CDK19: variants seen among roughly 807,000 people sequenced by gnomAD.
CDK19 encodes the protein cyclin-dependent kinase 19.
In CDK19, 20 loss-of-function variants were observed where a neutral mutation model predicts 68.3. The observed-to-expected ratio is 0.29, with a 90% CI of 0.21 to 0.43. CDK19 has a LOEUF of 0.43. CDK19 is among the 20% of genes least tolerant of loss of function. The probability of loss-of-function intolerance (pLI) is 1.00; values close to 1 mark genes in which losing one functional copy is unlikely to be tolerated. For missense variants in CDK19, 339 were observed against 623.5 expected (o/e 0.54, Z 4.86); for synonymous variants, 221 against 222.8 (o/e 0.99, Z 0.07).
intron 1 of CDK19, among the ~76,000 whole-genome samples, chr6:110,780,388 CAAAA>C (rs57316757): frequency 1.5e-5 from 1 of 67,122 alleles, no homozygotes; most frequent in East Asian, 3.1e-4. Flanking sequence ...CACTCTGTCT[CAAAA>C]AAAAAAAAAA....
At chr6:110,799,917 C>G (rs1279227100) in intron 1 of CDK19, among the ~76,000 whole-genome samples, 1 of 152,164 alleles carries the variant, frequency 6.6e-6, no homozygotes, top group Admixed American at 6.6e-5. Flanking sequence ...ATATTTTCAA[C>G]ACACAGTTGA....
chr6:110,718,967 A>G (rs567158784), intron 2 of CDK19, among the ~76,000 whole-genome samples: 4 of 152,208 alleles, frequency 2.6e-5, no homozygotes, highest in South Asian at 4.1e-4. Flanking sequence ...AAAGAGTTCT[A>G]AAGTCCTTGT....
intron 1 of CDK19, among the ~76,000 whole-genome samples, chr6:110,763,358 G>A (rs1032042908): frequency 6.6e-5 from 10 of 150,382 alleles, no homozygotes; most frequent in Admixed American, 6.6e-5. Context: ...AACTAAACAC[G>A]TTCCCCCTAA....
intron 4 of CDK19, chr6:110,646,250 C>A: frequency 6.7e-7 from 1 of 1,496,594 alleles, no homozygotes; most frequent in Non-Finnish European, 8.9e-7. Context: ...TGTGGCCGTT[C>A]CACACACATA....
chr6:110,793,358 T>C (rs1781725973), intron 1 of CDK19, among the ~76,000 whole-genome samples: 1 of 152,148 alleles, frequency 6.6e-6, no homozygotes, highest in African/African-American at 2.4e-5. Context: ...CTCTGTGGTG[T>C]TTTCCTATCA....
At chr6:110,677,608 G>A (rs1771642654) in intron 2 of CDK19, among the ~76,000 whole-genome samples, 1 of 150,396 alleles carries the variant, frequency 6.6e-6, no homozygotes, top group Non-Finnish European at 1.5e-5. Flanking sequence ...AAGAAGAAGT[G>A]TCACCATTGA....
In CDK19 at chr6:110,735,210, G is replaced by GTGCTGGGT. The variant is rs1287045319; in HGVS notation, c.204+10908_204+10915dup. Among the ~76,000 whole-genome samples the GTGCTGGGT allele has an allele frequency of 4.1e-4, 62 of 151,258 alleles. No homozygotes were observed. In the South Asian group the frequency reaches 9.3e-3, roughly 23 times the overall value. ...GATCCTCTTGCCTCAGCCTCCCAAA[G>GTGCTGGGT]TGCTGGGTTTACAGGCATCAGCCAC... On this transcript the variant is annotated intron_variant, in intron 2 of 12. Coordinates refer to ENST00000368911, the MANE Select transcript of CDK19 (RefSeq NM_015076.5).
At chr6:110,762,527 A>G (rs548400196) in intron 1 of CDK19, among the ~76,000 whole-genome samples, 13 of 152,314 alleles carry the variant, frequency 8.5e-5, no homozygotes, top group African/African-American at 3.1e-4. Flanking sequence ...CACACAGCGA[A>G]TAGGTTACTT....
chr6:110,680,192 G>C (rs753651791), intron 2 of CDK19, among the ~76,000 whole-genome samples: 7 of 152,192 alleles, frequency 4.6e-5, no homozygotes, highest in Non-Finnish European at 1.0e-4. Context: ...TACTCTACCA[G>C]AAGAATAAGA....
chr6:110,732,861 G>A (rs1042196941), intron 2 of CDK19, among the ~76,000 whole-genome samples: 2 of 152,060 alleles, frequency 1.3e-5, no homozygotes, highest in African/African-American at 4.8e-5. Context: ...GAGGTCAGGA[G>A]TTTGAGACCA....
intron 1 of CDK19, among the ~76,000 whole-genome samples, chr6:110,794,406 C>CTTT (rs58569860): frequency 3.0e-5 from 4 of 131,998 alleles, no homozygotes; most frequent in Non-Finnish European, 4.7e-5. Context: ...TAGTTTGAAA[C>CTTT]TTTTTTTTTT....
chr6:110,635,298 A>G (rs886654523), intron 5 of CDK19, among the ~76,000 whole-genome samples: 15 of 152,212 alleles, frequency 9.9e-5, no homozygotes, highest in African/African-American at 3.1e-4. Context: ...GGGAAGGTCT[A>G]TTTCTCTTTT....
At chr6:110,652,801 T>C (rs1201972614) in intron 4 of CDK19, among the ~76,000 whole-genome samples, 2 of 152,186 alleles carry the variant, frequency 1.3e-5, no homozygotes, top group East Asian at 1.9e-4. Context: ...CTGAAGTTAG[T>C]AGAGAATACC....
At chr6:110,664,390 A>G (rs1023159255) in intron 4 of CDK19, among the ~76,000 whole-genome samples, 3 of 152,154 alleles carry the variant, frequency 2.0e-5, no homozygotes, top group East Asian at 3.9e-4. Context: ...TGTAGCTACA[A>G]TCACATTCTC....
At chr6:110,803,413 C>T (rs189454616) in intron 1 of CDK19, among the ~76,000 whole-genome samples, 1 of 147,324 alleles carries the variant, frequency 6.8e-6, no homozygotes, top group Non-Finnish European at 1.5e-5. Flanking sequence ...TACAACTATA[C>T]TAAGTTTTTT....
chr6:110,723,142 AACAAAAAAC>A (rs1314564231), intron 2 of CDK19, among the ~76,000 whole-genome samples: 3 of 100,524 alleles, frequency 3.0e-5, no homozygotes, highest in Non-Finnish European at 5.1e-5. Context: ...TGTCAAAAAA[AACAAAAAAC>A]AAAAAAAAAA....
chr6:110,674,353 A>G (rs1458077900), intron 2 of CDK19, among the ~76,000 whole-genome samples: 1 of 152,216 alleles, frequency 6.6e-6, no homozygotes. Context: ...AGAATCTCAC[A>G]TATCTCTTGC....
chr6:110,694,827 T>G (rs1773335213), intron 2 of CDK19, among the ~76,000 whole-genome samples: 1 of 152,082 alleles, frequency 6.6e-6, no homozygotes, highest in South Asian at 2.1e-4. Context: ...AAAATAAAAT[T>G]GGAAATTGGC....
At chr6:110,785,861 T>C (rs1257233519) in intron 1 of CDK19, among the ~76,000 whole-genome samples, 1 of 151,558 alleles carries the variant, frequency 6.6e-6, no homozygotes, top group Admixed American at 6.6e-5. Context: ...ATGCCTGTAA[T>C]CCCAACTACT....
Sources: gnomAD v4.1 joint callset for allele counts (sites outside exome capture counted in the v4.1 genomes callset) on GRCh38, gnomAD v4.1.1 for gene constraint, MANE v1.5 for transcripts, NCBI Gene and HGNC (gene_info 2026-07-23, HGNC 2026-07-21) for gene names.